Variants in ACAP1 observed in about 807,000 individuals in gnomAD.
ACAP1 encodes the protein ArfGAP with coiled-coil, ankyrin repeat and PH domains 1.
In ACAP1, 45 loss-of-function variants were observed where a neutral mutation model predicts 98.8. The ratio of observed to expected loss-of-function variants is 0.46; its 90% CI spans 0.36 to 0.58. The LOEUF (loss-of-function observed/expected upper bound fraction) is 0.58. Ranked by LOEUF, ACAP1 falls within the 20% of genes least tolerant of loss-of-function variation. The pLI, the probability that ACAP1 is intolerant of heterozygous loss-of-function variation, is 0.00. For missense variants in ACAP1, 735 were observed against 971.4 expected (o/e 0.76, Z 3.24); for synonymous variants, 362 against 375.3 (o/e 0.96, Z 0.41).
At position 7,350,506 on chromosome 17, in the gene ACAP1, G is replaced by A; in HGVS notation, c.2072+269G>A. ...GCGTAATTCGCCCATCAACATTGCT[G>A]TCAGGCATCTTTTTAGCACTAGACG... On this transcript the variant is annotated intron_variant, in intron 20 of 21. Coordinates refer to ENST00000158762, the MANE Select transcript of ACAP1 (RefSeq NM_014716.4). This position sits in a 1 kb window ranked among gnomAD's most constrained non-coding sequence, Gnocchi z 4.6. 1.8e-6 allele frequency: 1 copy of A among 540,772 alleles called. No homozygotes were observed. Among genetic ancestry groups the A allele is most frequent in the Non-Finnish European group, 3.3e-6 (1 of 303,202 alleles). 33.5% of individuals were successfully genotyped at this position (540,772 alleles called of 1,614,324 possible).
At chr17:7,341,220 G>C (rs942389250) in intron 2 of ACAP1, among the ~76,000 whole-genome samples, 1 of 152,140 alleles carries the variant, frequency 6.6e-6, no homozygotes, top group Admixed American at 6.5e-5. Flanking sequence ...GCGCCATCTC[G>C]GCTCACTGCA....
At position 7,350,766 on chromosome 17, in the gene ACAP1, ACC is replaced by A. The variant is rs1343461925; in HGVS notation, c.2073-180_2073-179del. On this transcript the variant is annotated intron_variant, in intron 20 of 21. Coordinates refer to ENST00000158762, the MANE Select transcript of ACAP1 (RefSeq NM_014716.4). The surrounding 1 kb of genome is among the most constrained non-coding windows in gnomAD (Gnocchi z 4.6). The stretch of plus-strand genomic sequence containing the variant: ...GCTGGGACTACAGGCGTGCGCCACC[ACC>A]CCCGGCTAATTTTTTGTATTTTTAG... The A allele has an allele frequency of 1.8e-6, 1 of 563,874 alleles. No individual in the cohort carries two copies. The highest frequency in any genetic ancestry group is 1.9e-5 in the African/African-American group (1 of 52,310). 34.9% of individuals were successfully genotyped at this position (563,874 alleles called of 1,614,324 possible). A position where few individuals can be genotyped will look rare whatever the true frequency, so the allele number is the denominator to read the frequency against.
At chr17:7,348,040 A>G in intron 15 of ACAP1, 49 bp downstream of exon 15, 1 of 1,611,892 alleles carries the variant, frequency 6.2e-7, no homozygotes, top group South Asian at 1.1e-5. Flanking sequence ...GGGGTGGGGC[A>G]AGGACATGGC....
rs1160307706 is a variant in ACAP1 at position 7,346,387 on chromosome 17, C to A, written c.907-4C>A. The A allele has an allele frequency of 6.2e-7, 1 of 1,613,860 alleles. No homozygotes were observed. The highest frequency in any genetic ancestry group is 8.5e-7 in the Non-Finnish European group (1 of 1,179,908). On this transcript the variant is annotated splice_region_variant and splice_polypyrimidine_tract_variant and intron_variant, in intron 11 of 21. Coordinates refer to ENST00000158762, the MANE Select transcript of ACAP1 (RefSeq NM_014716.4). ...TCTGGCCCCTTATCACCTTATCCTGCCAGGACCCTGTGACTGTGGTGGTGG... is the reference window on the plus strand; with the variant it reads ...TCTGGCCCCTTATCACCTTATCCTGACAGGACCCTGTGACTGTGGTGGTGG...
At chr17:7,348,584 T>A in intron 17 of ACAP1, 109 bp downstream of exon 17, 1 of 1,257,098 alleles carries the variant, frequency 8.0e-7, no homozygotes. Flanking sequence ...CTGGACAATG[T>A]CGGAGGGACC....
rs780856603 is a variant in ACAP1 at position 7,351,337 on chromosome 17, T to C, written c.2165T>C (p.Met722Thr). 131 of 1,613,720 alleles carry C rather than the reference T, an allele frequency of 8.1e-5. 1 individual carries two copies. The highest frequency in any genetic ancestry group is 5.1e-6 in the Non-Finnish European group (6 of 1,179,850). The change falls in exon 22 of 22, where the codon ATG (methionine) becomes ACG (threonine). Residue 722 changes from methionine (M) to threonine (T), a missense_variant. By Grantham distance (81) the Met-to-Thr change is moderately conservative. Transcript: ENST00000158762. ...YLDIFRDFSL[M>T]ASDDPEKLSR... Reference sequence around the variant, plus strand: ...GACATCTTCCGCGACTTCTCCCTCATGGCGTCAGACGACCCGGAGAAGCTG... The same window carrying C: ...GACATCTTCCGCGACTTCTCCCTCACGGCGTCAGACGACCCGGAGAAGCTG...
rs578171092 is a variant in ACAP1, at chr17:7,350,346, G to T, written c.2072+109G>T. 2.7e-5 allele frequency: 24 copies of T among 885,046 alleles called. No individual in the cohort carries two copies. In the African/African-American group the frequency reaches 3.2e-4, roughly 12 times the overall value. The allele number at this position is 885,046 out of a possible 1,614,324, so 54.8% of individuals were successfully genotyped here. On this transcript the variant is annotated intron_variant, in intron 20 of 21. Transcript: ENST00000158762. This position sits in a 1 kb window ranked among gnomAD's most constrained non-coding sequence, Gnocchi z 4.6. ...ACGCCGAAACAGAAGCCTGTGCTGT[G>T]GGGCCTCGGAAAGGGGCTGGGCCAG... is the stretch of plus-strand genomic sequence containing the variant.
In ACAP1 at chr17:7,344,605, C is replaced by T; in HGVS notation, c.811C>T (p.His271Tyr). ...GCCTGGTGGCCTGGTGATGGAAGGA[C>T]ATCTCTTCAAACGGGCCAGCAACGC... is the stretch of plus-strand genomic sequence containing the variant. Reference protein sequence around the residue: ...EGPGGLVMEGHLFKRASNAFK... With the variant: ...EGPGGLVMEGYLFKRASNAFK... The change falls in exon 10 of 22, where the codon CAT (histidine) becomes TAT (tyrosine). Residue 271 changes from histidine (H) to tyrosine (Y), a missense_variant. By Grantham distance (83) the His-to-Tyr change is moderately conservative. Coordinates refer to ENST00000158762, the MANE Select transcript of ACAP1 (RefSeq NM_014716.4). The surrounding 1 kb of genome is among the most constrained non-coding windows in gnomAD (Gnocchi z 4.9). 1 of 1,551,470 alleles carries T rather than the reference C, an allele frequency of 6.4e-7. No individual in the cohort carries two copies. The highest frequency in any genetic ancestry group is 8.7e-7 in the Non-Finnish European group (1 of 1,146,938).
At position 7,344,088 on chromosome 17, in the gene ACAP1, G is replaced by A. The variant is rs1318820640; in HGVS notation, c.709G>A (p.Asp237Asn). 1 of 1,590,466 alleles carries A rather than the reference G, an allele frequency of 6.3e-7. No homozygotes were observed. The highest frequency in any genetic ancestry group is 8.6e-7 in the Non-Finnish European group (1 of 1,167,862). The change falls in exon 9 of 22, where the codon GAC (aspartate) becomes AAC (asparagine). Residue 237 changes from aspartate to asparagine, a missense_variant. By Grantham distance (23) the Asp-to-Asn change is conservative. Around this residue, in one of 5 missense-constraint regions of ACAP1, gnomAD observed 430 missense variants for 531.8 expected, o/e 0.81. Transcript: ENST00000158762. This position sits in a 1 kb window ranked among gnomAD's most constrained non-coding sequence, Gnocchi z 4.9. The stretch of plus-strand genomic sequence containing the variant: ...CTTGAATTCAGCACGAGAGAAGAGG[G>A]ACATGGAGCAGAGACACGTGCTGCT... The part of the protein sequence containing the change: ...LVLNSAREKR[D>N]MEQRHVLLKQ...
In ACAP1 at chr17:7,348,467, C is replaced by T. The variant is rs2073369682; in HGVS notation, c.1670C>T (p.Ser557Phe). The change falls in exon 17 of 22, where the codon TCC (serine) becomes TTC (phenylalanine). Residue 557 changes from serine to phenylalanine, a missense_variant. By Grantham distance (155) the Ser-to-Phe change is radical. Transcript: ENST00000158762. Reference protein sequence around the residue: ...SIRPRPGSLRSKPEPPSEDLG... With the variant: ...SIRPRPGSLRFKPEPPSEDLG... ...AGGCCCCGGCCAGGGAGCTTGAGAT[C>T]CAAGCCAGGTATAGGGTTGGTTGGG... 4.1e-6 allele frequency: 6 copies of T among 1,479,528 alleles called. No individual in the cohort carries two copies. The highest frequency in any genetic ancestry group is 5.4e-6 in the Non-Finnish European group (6 of 1,114,744). 91.7% of individuals were successfully genotyped at this position (1,479,528 alleles called of 1,614,324 possible). A position where few individuals can be genotyped will look rare whatever the true frequency, so the allele number is the denominator to read the frequency against.
At position 7,343,184 on chromosome 17, in the gene ACAP1, T is replaced by A; in HGVS notation, c.345-195T>A. On this transcript the variant is annotated intron_variant, in intron 5 of 21. Transcript: ENST00000158762. The surrounding 1 kb of genome is among the most constrained non-coding windows in gnomAD (Gnocchi z 4.9). Reference sequence around the variant, plus strand: ...AACCAGCCCTGCTGCCCTCTTCCCATGGCCACAGGAGCCTCCCCAGTGACG... The same window carrying A: ...AACCAGCCCTGCTGCCCTCTTCCCAAGGCCACAGGAGCCTCCCCAGTGACG... 1 of 544,942 alleles carries A rather than the reference T, an allele frequency of 1.8e-6. No homozygotes were observed. The highest frequency in any genetic ancestry group is 3.2e-6 in the Non-Finnish European group (1 of 314,346). The allele number at this position is 544,942 out of a possible 1,614,324, so 33.8% of individuals were successfully genotyped here.
chr17:7,343,570 C>A lies in ACAP1; in HGVS notation c.528+8C>A. 2 of 1,607,616 alleles carry A rather than the reference C, an allele frequency of 1.2e-6. No homozygotes were observed. Among genetic ancestry groups the A allele is most frequent in the Non-Finnish European group, 1.7e-6 (2 of 1,175,570 alleles). ...CTGGATTATGCCCTGCAGGTGCCTG[C>A]CCCAATCTGTCTTCCTGGGGTACCA... On this transcript the variant is annotated splice_region_variant and intron_variant, in intron 6 of 21. Transcript: ENST00000158762. The surrounding 1 kb of genome is among the most constrained non-coding windows in gnomAD (Gnocchi z 4.9).
In ACAP1 at chr17:7,338,794, A is replaced by C. The variant is rs572570786; in HGVS notation, c.111+1425A>C. 1.9e-4 allele frequency among the ~76,000 whole-genome samples: 27 copies of C among 140,704 alleles called. No homozygotes were observed. The East Asian group carries it at 5.7e-3, about 30-fold the overall frequency. The allele number at this position is 140,704 out of a possible 152,430, so 92.3% of individuals were successfully genotyped here. ...ACTCCTGGCCTCAAGTAATCCTCCC[A>C]CCTCAGCCTCCCAAAGTGCTGGAAT... On this transcript the variant is annotated intron_variant, in intron 2 of 21. Coordinates refer to ENST00000158762, the MANE Select transcript of ACAP1 (RefSeq NM_014716.4).
intron 2 of ACAP1, 125 bp downstream of exon 2, chr17:7,337,494 G>T: frequency 1.1e-6 from 1 of 888,808 alleles, no homozygotes; most frequent in Non-Finnish European, 1.8e-6. Flanking sequence ...GAGATATTTT[G>T]GAGACTGCAG....
chr17:7,341,881 A>C, intron 2 of ACAP1, 67 bp from the exon 3 acceptor site: 1 of 1,595,392 alleles, frequency 6.3e-7, no homozygotes, highest in Non-Finnish European at 8.6e-7. Context: ...GAAGTGGGGC[A>C]GGTGTGGGGG....
chr17:7,343,275 C>T lies in ACAP1; in HGVS notation c.345-104C>T, dbSNP rs555836402. 77 of 1,255,816 alleles carry T rather than the reference C, an allele frequency of 6.1e-5. No individual in the cohort carries two copies. The highest frequency in any genetic ancestry group is 7.1e-5 in the East Asian group (3 of 42,372). 77.8% of individuals were successfully genotyped at this position (1,255,816 alleles called of 1,614,324 possible). On this transcript the variant is annotated intron_variant, in intron 5 of 21. Coordinates refer to ENST00000158762, the MANE Select transcript of ACAP1 (RefSeq NM_014716.4). This position sits in a 1 kb window ranked among gnomAD's most constrained non-coding sequence, Gnocchi z 4.9. ...CCCAGGGATCACCTTGGGTTTCCCA[C>T]GTTGCAGAGACTAACTGAAAGGACA...
At chr17:7,346,645 C>T in intron 12 of ACAP1, 154 bp downstream of exon 12, 1 of 1,143,314 alleles carries the variant, frequency 8.7e-7, no homozygotes, top group Non-Finnish European at 1.3e-6. Context: ...GAAGAGGGTA[C>T]AGGGTGATGG....
At position 7,337,335 on chromosome 17, in the gene ACAP1, C is replaced by T. The variant is rs2073230758; in HGVS notation, c.77C>T (p.Ala26Val). 14 of 1,614,014 alleles carry T rather than the reference C, an allele frequency of 8.7e-6. No individual in the cohort carries two copies. Among genetic ancestry groups the T allele is most frequent in the Non-Finnish European group, 1.1e-5 (13 of 1,180,018 alleles). ...RFRASIELVE[A>V]EVSELETRLE... ...AGAGCCTCTATTGAGCTGGTGGAAGCCGAAGTGTCAGAATTGGAGACCCGT... is the reference window on the plus strand; with the variant it reads ...AGAGCCTCTATTGAGCTGGTGGAAGTCGAAGTGTCAGAATTGGAGACCCGT... The change falls in exon 2 of 22, where the codon GCC becomes GTC. Residue 26 changes from alanine (A) to valine (V), a missense_variant. Physicochemically the swap from Ala to Val is moderately conservative, Grantham distance 64. Coordinates refer to ENST00000158762, the MANE Select transcript of ACAP1 (RefSeq NM_014716.4).
In ACAP1 at chr17:7,344,582, C is replaced by A. The variant is rs1181880490; in HGVS notation, c.788C>A (p.Pro263His). 9 of 1,551,410 alleles carry A rather than the reference C, an allele frequency of 5.8e-6. No individual in the cohort carries two copies. The highest frequency in any genetic ancestry group is 7.8e-6 in the Non-Finnish European group (9 of 1,146,950). The change falls in exon 10 of 22, where the codon CCT becomes CAT. Residue 263 changes from proline to histidine, a missense_variant. This residue lies in a region of ACAP1 where 430 missense variants were observed against 531.8 expected (regional missense o/e 0.81). Coordinates refer to ENST00000158762, the MANE Select transcript of ACAP1 (RefSeq NM_014716.4). This position sits in a 1 kb window ranked among gnomAD's most constrained non-coding sequence, Gnocchi z 4.9. ...EEPEPSLREGPGGLVMEGHLF... is the reference protein window; with the variant it reads ...EEPEPSLREGHGGLVMEGHLF... ...CCAGAACCAAGCTTAAGAGAGGGGC[C>A]TGGTGGCCTGGTGATGGAAGGACAT...
Sources: gnomAD v4.1 joint callset for allele counts (sites outside exome capture counted in the v4.1 genomes callset) on GRCh38, gnomAD v4.1.1 for gene constraint, gnomAD v4.1.1 regional missense constraint, Gnocchi (gnomAD v3.1) non-coding constraint, MANE v1.5 for transcripts, NCBI Gene and HGNC (gene_info 2026-07-23, HGNC 2026-07-21) for gene names.